The following DOCK10 variants were observed in gnomAD, a reference collection of about 807,000 sequenced individuals.
DOCK10 encodes the protein dedicator of cytokinesis 10.
DOCK10 carries 145 observed loss-of-function variants against 280.1 expected under a neutral mutation model. The ratio of observed to expected loss-of-function variants is 0.52; its 90% CI spans 0.45 to 0.59. The LOEUF (loss-of-function observed/expected upper bound fraction) is 0.59. Among genes scored for constraint, DOCK10 ranks in the 20% least tolerant of loss-of-function variants. The pLI, the probability that DOCK10 is intolerant of heterozygous loss-of-function variation, is 0.00. For missense variants in DOCK10, 2,368 were observed against 2,651.7 expected (o/e 0.89, Z 2.35); for synonymous variants, 915 against 942.2 (o/e 0.97, Z 0.53).
At chr2:224,985,026 A>G (rs1168606140) in intron 1 of DOCK10, among the ~76,000 whole-genome samples, 2 of 152,044 alleles carry the variant, frequency 1.3e-5, no homozygotes, top group Non-Finnish European at 2.9e-5. Context: ...TAAGCAGGAA[A>G]TATTTTAAGA....
At chr2:224,898,442 T>C (rs1227675229) in intron 3 of DOCK10, among the ~76,000 whole-genome samples, 2 of 152,000 alleles carry the variant, frequency 1.3e-5, no homozygotes, top group African/African-American at 2.4e-5. Flanking sequence ...TAGAGAAGAA[T>C]AGTAAAAGGG....
At chr2:224,806,020 C>T (rs974857334) in intron 34 of DOCK10, 106 bp downstream of exon 34, 26 of 643,394 alleles carry the variant, frequency 4.0e-5, no homozygotes, top group South Asian at 3.6e-4. Context: ...TACTTTGCCA[C>T]GTAGATTATG....
At chr2:224,950,583 T>C (rs947109163) in intron 1 of DOCK10, among the ~76,000 whole-genome samples, 6 of 151,950 alleles carry the variant, frequency 3.9e-5, no homozygotes, top group Non-Finnish European at 7.4e-5. Context: ...AGATGGGTAA[T>C]ATGAGTGAGG....
intron 2 of DOCK10, among the ~76,000 whole-genome samples, chr2:224,917,230 C>T (rs566729803): frequency 6.6e-6 from 1 of 150,606 alleles, no homozygotes; most frequent in Admixed American, 6.7e-5. Context: ...TGCAGCCTCC[C>T]TAGTAGCTGG....
chr2:224,800,875 A>G (rs1027104881), intron 40 of DOCK10, among the ~76,000 whole-genome samples: 17 of 152,202 alleles, frequency 1.1e-4, no homozygotes, highest in Non-Finnish European at 2.2e-4. Flanking sequence ...CACATAAGAC[A>G]TCAATCAATA....
intron 8 of DOCK10, among the ~76,000 whole-genome samples, chr2:224,875,772 A>G (rs1430537051): frequency 6.6e-6 from 1 of 152,206 alleles, no homozygotes; most frequent in Non-Finnish European, 1.5e-5. Context: ...ACATGAGCAC[A>G]TTTTGGATGC....
chr2:224,974,812 T>C (rs1026098071), intron 1 of DOCK10, among the ~76,000 whole-genome samples: 5 of 129,376 alleles, frequency 3.9e-5, no homozygotes, highest in Admixed American at 8.9e-5. Flanking sequence ...ATATATATTA[T>C]ATATATAATA....
intron 4 of DOCK10, 66 bp from the exon 5 acceptor site, chr2:224,886,597 C>T: frequency 1.5e-6 from 2 of 1,313,386 alleles, no homozygotes. Context: ...TAAGTTGCTC[C>T]CCAGGTAACA....
At chr2:225,025,185 C>T (rs901756879) in intron 1 of DOCK10, among the ~76,000 whole-genome samples, 2 of 152,018 alleles carry the variant, frequency 1.3e-5, no homozygotes, top group Non-Finnish European at 2.9e-5. Context: ...GAGGAGATAT[C>T]GAGTGAGAAG....
chr2:224,920,662 AT>A (rs1436817983), intron 2 of DOCK10, among the ~76,000 whole-genome samples: 3 of 97,684 alleles, frequency 3.1e-5, no homozygotes, highest in Non-Finnish European at 7.5e-5. Flanking sequence ...TTTCTTTCTA[AT>A]TAAAAAAAAA....
chr2:225,027,331 A>G (rs1274012985), intron 1 of DOCK10, among the ~76,000 whole-genome samples: 1 of 152,180 alleles, frequency 6.6e-6, no homozygotes, highest in Non-Finnish European at 1.5e-5. Context: ...GCAACTGGAC[A>G]GCACTCTCCT....
intron 6 of DOCK10, 57 bp from the exon 7 acceptor site, chr2:224,885,862 A>G: frequency 2.5e-6 from 4 of 1,572,744 alleles, no homozygotes; most frequent in Non-Finnish European, 3.4e-6. Context: ...TATTACTCAT[A>G]GAAATTAGAA....
intron 7 of DOCK10, among the ~76,000 whole-genome samples, chr2:224,881,292 A>G (rs1028842016): frequency 6.6e-6 from 1 of 152,028 alleles, no homozygotes; most frequent in South Asian, 2.1e-4. Context: ...CACATCCTGG[A>G]AGCTTTTTGA....
At chr2:224,942,857 C>T (rs377133528) in intron 1 of DOCK10, among the ~76,000 whole-genome samples, 2 of 150,084 alleles carry the variant, frequency 1.3e-5, no homozygotes, top group South Asian at 4.2e-4. Flanking sequence ...ATTAATGACC[C>T]ATAAACCAGT....
At chr2:224,813,139 G>A (rs1450466377) in intron 31 of DOCK10, among the ~76,000 whole-genome samples, 2 of 152,172 alleles carry the variant, frequency 1.3e-5, no homozygotes, top group East Asian at 3.8e-4. Flanking sequence ...CTTGATTGTA[G>A]TAATCATTTC....
In DOCK10 at chr2:224,941,820, G is replaced by C. The variant is rs1343652405; in HGVS notation, c.124-10152C>G. Among the ~76,000 whole-genome samples, 11 of 149,632 alleles carry C rather than the reference G, an allele frequency of 7.4e-5. No individual in the cohort carries two copies. In the South Asian group the frequency reaches 2.3e-3, roughly 32 times the overall value. ...GATCTCATCACTGTAATCCAGCCTG[G>C]GCAACAGACTGAGCCTCCATCTCAA... is the stretch of plus-strand genomic sequence containing the variant. On this transcript the variant is annotated intron_variant, in intron 1 of 55. Coordinates refer to ENST00000258390, the MANE Select transcript of DOCK10 (RefSeq NM_014689.3).
intron 22 of DOCK10, 61 bp downstream of exon 22, chr2:224,844,692 G>A: frequency 1.9e-6 from 2 of 1,062,512 alleles, no homozygotes; most frequent in Non-Finnish European, 2.8e-6. Flanking sequence ...GTAAATAGGG[G>A]AATTACCTCA....
intron 1 of DOCK10, among the ~76,000 whole-genome samples, chr2:224,934,680 A>G (rs1702586947): frequency 6.6e-6 from 1 of 152,226 alleles, no homozygotes; most frequent in South Asian, 2.1e-4. Context: ...CCTTGCAGAG[A>G]CATTGAGTGA....
chr2:224,779,241 A>G lies in DOCK10; in HGVS notation c.5656-957T>C, dbSNP rs185737472. The stretch of plus-strand genomic sequence containing the variant: ...TGGTTTCTTTTTTTTTTTTTGGCAG[A>G]GTCTTGCTCTGTTGCCCAGGCTGGA... On this transcript the variant is annotated intron_variant, in intron 50 of 55. Transcript: ENST00000258390. 1.4e-3 allele frequency among the ~76,000 whole-genome samples: 205 copies of G among 145,116 alleles called. 1 individual carries two copies. The Middle Eastern group carries it at 0.024, about 17-fold the overall frequency.
Sources: gnomAD v4.1 joint callset for allele counts (sites outside exome capture counted in the v4.1 genomes callset) on GRCh38, gnomAD v4.1.1 for gene constraint, MANE v1.5 for transcripts, NCBI Gene and HGNC (gene_info 2026-07-23, HGNC 2026-07-21) for gene names.